Variants in ACSM3 observed in about 807,000 individuals in gnomAD.
The protein encoded by ACSM3 is acyl-CoA synthetase medium chain family member 3, also known as acyl-coenzyme A synthetase ACSM3, mitochondrial.
Under a neutral mutation model 74.1 loss-of-function variants are expected in ACSM3, and 61 were observed. The observed-to-expected ratio is 0.82, with a 90% CI of 0.67 to 1.02. The LOEUF (loss-of-function observed/expected upper bound fraction) is 1.02, where lower values mean the gene tolerates loss of function less well. Ranked by LOEUF, ACSM3 falls within the 50% of genes least tolerant of loss-of-function variation. The pLI is 0.00. For missense variants in ACSM3, 660 were observed against 697.0 expected (o/e 0.95, Z 0.60); for synonymous variants, 213 against 241.5 (o/e 0.88, Z 1.09).
chr16:20,680,243 C>A (rs781485780), intron 1 of ACSM3: 2 of 152,192 alleles, frequency 1.3e-5, no homozygotes, highest in African/African-American at 4.8e-5. Context: ...AGCACTATAA[C>A]GACTTGATAG....
chr16:20,795,639 T>C (rs1326923810), intron 12 of ACSM3, among the ~76,000 whole-genome samples: 1 of 152,216 alleles, frequency 6.6e-6, no homozygotes, highest in African/African-American at 2.4e-5. Context: ...GAACTGTGCC[T>C]ACAGGGAAGC....
intron 1 of ACSM3, chr16:20,721,706 G>A (rs2079786191): frequency 6.6e-6 from 1 of 152,172 alleles, no homozygotes; most frequent in African/African-American, 2.4e-5. Context: ...TTCTTGTGTT[G>A]GAGGACAGGA....
At chr16:20,699,616 A>G (rs2079707593) in intron 1 of ACSM3, among the ~76,000 whole-genome samples, 1 of 152,168 alleles carries the variant, frequency 6.6e-6, no homozygotes, top group African/African-American at 2.4e-5. Context: ...CTGTTACTAA[A>G]GAGAAGGAGC....
intron 1 of ACSM3, among the ~76,000 whole-genome samples, chr16:20,687,951 T>G (rs12929282): frequency 0.62 from 93,822 of 151,604 alleles, 30,146 homozygotes; most frequent in Non-Finnish European, 0.72. Context: ...CAGGCATAGT[T>G]GCATGCACCT....
chr16:20,746,040 A>G (rs1206678800), intron 1 of ACSM3, among the ~76,000 whole-genome samples: 1 of 152,236 alleles, frequency 6.6e-6, no homozygotes, highest in Non-Finnish European at 1.5e-5. Context: ...AAGCCAAACC[A>G]AGTTCAAATT....
At chr16:20,727,459 C>T (rs998732725) in intron 1 of ACSM3, 4 of 471,764 alleles carry the variant, frequency 8.5e-6, no homozygotes, top group Non-Finnish European at 1.2e-5. Flanking sequence ...TATGGACAGA[C>T]GGAAGTGGTA....
In ACSM3 at chr16:20,770,188, C is replaced by A. The variant is rs750728990; in HGVS notation, c.154C>A (p.Leu52Met). 6.2e-7 allele frequency: 1 copy of A among 1,614,178 alleles called. No individual in the cohort carries two copies. The highest frequency in any genetic ancestry group is 1.1e-5 in the South Asian group (1 of 91,088). The change falls in exon 2 of 14, where the codon CTG (leucine) becomes ATG (methionine). Residue 52 changes from leucine (L) to methionine (M), a missense_variant. Transcript: ENST00000289416. ...TGAATCCATGAAACAGGACTTCAAA[C>A]TGGGGATTCCAGAGTATTTCAACTT... is the stretch of plus-strand genomic sequence containing the variant. ...NYESMKQDFK[L>M]GIPEYFNFAK...
chr16:20,775,054 G>T (rs762128134), intron 2 of ACSM3, among the ~76,000 whole-genome samples: 4 of 152,102 alleles, frequency 2.6e-5, no homozygotes, highest in African/African-American at 9.7e-5. Context: ...GTTACCTGGG[G>T]TGTAGAGTGC....
intron 1 of ACSM3, chr16:20,741,467 A>G: frequency 1.4e-6 from 2 of 1,470,574 alleles, no homozygotes; most frequent in Non-Finnish European, 1.8e-6. Flanking sequence ...TCCTCCCGCA[A>G]GGCCTGGCAG....
Position 20,777,372 on chromosome 16 carries a change from G to GGGACA in ACSM3, c.432_436dup (p.Val146GlyfsTer4), listed in dbSNP as rs752449738. ...ACACTGTTTCTTTTCTGCCCCTTTA[G>GGGACA]GGACAGTTTTAATTCCAGGAACCAC... On this transcript the variant is annotated frameshift_variant and splice_region_variant. Transcript: ENST00000289416. LOFTEE classifies it high-confidence loss of function. 6.2e-7 allele frequency: 1 copy of GGGACA among 1,612,862 alleles called. No individual in the cohort carries two copies. The highest frequency in any genetic ancestry group is 8.5e-7 in the Non-Finnish European group (1 of 1,179,236).
Position 20,797,189 on chromosome 16 carries a change from T to C in ACSM3, c.*217T>C. 7.9e-7 allele frequency: 1 copy of C among 1,269,750 alleles called. No homozygotes were observed. The highest frequency in any genetic ancestry group is 9.9e-7 in the Non-Finnish European group (1 of 1,007,964). The allele number at this position is 1,269,750 out of a possible 1,614,324, so 78.7% of individuals were successfully genotyped here. A position where few individuals can be genotyped will look rare whatever the true frequency, so the allele number is the denominator to read the frequency against. On this transcript the variant is annotated 3_prime_UTR_variant, in exon 14 of 14. Coordinates refer to ENST00000289416, the MANE Select transcript of ACSM3 (RefSeq NM_005622.4). ...TGTCAATGTTCCTATCATTTCTTAA[T>C]ATAAAAATAATACCATCAATTGCTG... is the stretch of plus-strand genomic sequence containing the variant.
intron 13 of ACSM3, 147 bp downstream of exon 13, chr16:20,796,636 C>T: frequency 6.7e-7 from 1 of 1,496,970 alleles, no homozygotes; most frequent in Non-Finnish European, 8.8e-7. Context: ...GAATCAGAAT[C>T]TTTGAGATTA....
intron 1 of ACSM3, among the ~76,000 whole-genome samples, chr16:20,747,127 TAGAC>T (rs2079961244): frequency 6.6e-6 from 1 of 151,822 alleles, no homozygotes; most frequent in Non-Finnish European, 1.5e-5. Context: ...GGCCCAGCGA[TAGAC>T]AGGGCTCTGG....
At chr16:20,699,317 T>A (rs896462904) in intron 1 of ACSM3, among the ~76,000 whole-genome samples, 1 of 152,180 alleles carries the variant, frequency 6.6e-6, no homozygotes, top group Admixed American at 6.5e-5. Context: ...TGGGGCATTG[T>A]TAGAGAATGA....
chr16:20,781,238 T>C, intron 6 of ACSM3, 108 bp downstream of exon 6: 1 of 1,351,972 alleles, frequency 7.4e-7, no homozygotes. Context: ...CAATATGATT[T>C]AAGATATGTC....
chr16:20,730,014 A>G (rs1406313041), intron 1 of ACSM3, among the ~76,000 whole-genome samples: 1 of 152,174 alleles, frequency 6.6e-6, no homozygotes, highest in Non-Finnish European at 1.5e-5. Flanking sequence ...CTCTCTTTTC[A>G]GTCATTTCAA....
At position 20,770,141 on chromosome 16, in the gene ACSM3, C is replaced by A. The variant is rs139882072; in HGVS notation, c.107C>A (p.Thr36Asn). ...RALHKDNRTA[T>N]PQNFSNYESM... ...CTGCATAAAGATAATAGAACAGCAA[C>A]CCCTCAGAATTTCTCCAACTATGAA... Residue 36 changes from threonine to asparagine, a missense_variant, in exon 2 of 14, where the codon ACC (threonine) becomes AAC (asparagine). Coordinates refer to ENST00000289416, the MANE Select transcript of ACSM3 (RefSeq NM_005622.4). The A allele has an allele frequency of 1.2e-5, 20 of 1,613,984 alleles. No homozygotes were observed. The African/African-American group carries it at 2.7e-4, about 22-fold the overall frequency.
chr16:20,781,523 A>T (rs1169214644), intron 6 of ACSM3, among the ~76,000 whole-genome samples, 185 bp from the exon 7 acceptor site: 1 of 152,248 alleles, frequency 6.6e-6, no homozygotes, highest in Non-Finnish European at 1.5e-5. Context: ...ATACAATTTT[A>T]TATAAGGGAC....
At chr16:20,692,682 G>T (rs163251) in intron 1 of ACSM3, among the ~76,000 whole-genome samples, 48,239 of 152,020 alleles carry the variant, frequency 0.32, 8,111 homozygotes, top group East Asian at 0.55. Flanking sequence ...AAGAGACTTT[G>T]CAGGGCAATT....
Sources: gnomAD v4.1 joint callset for allele counts (sites outside exome capture counted in the v4.1 genomes callset) on GRCh38, gnomAD v4.1.1 for gene constraint, MANE v1.5 for transcripts, NCBI Gene and HGNC (gene_info 2026-07-23, HGNC 2026-07-21) for gene names.